The following CRISP3 variants were observed in gnomAD, a reference collection of about 807,000 sequenced individuals.
The protein encoded by CRISP3 is cysteine-rich secretory protein 3.
CRISP3 carries 33 observed loss-of-function variants against 36.1 expected under a neutral mutation model. The ratio of observed to expected loss-of-function variants is 0.91; its 90% CI spans 0.69 to 1.22. The LOEUF is 1.22. Among genes scored for constraint, CRISP3 ranks in the 50% most tolerant of loss-of-function variants. CRISP3 has a pLI of 0.00. For missense variants in CRISP3, 330 were observed against 301.2 expected (o/e 1.10, Z -0.71); for synonymous variants, 117 against 104.6 (o/e 1.12, Z -0.72).
At chr6:49,734,440 A>G (rs1315867778) in intron 4 of CRISP3, among the ~76,000 whole-genome samples, 3 of 152,124 alleles carry the variant, frequency 2.0e-5, no homozygotes, top group Non-Finnish European at 4.4e-5. Context: ...CACAGGCCAC[A>G]CTCTGGTCAA....
chr6:49,731,920 C>T (rs1010390627), intron 6 of CRISP3, among the ~76,000 whole-genome samples: 13 of 152,244 alleles, frequency 8.5e-5, no homozygotes, highest in African/African-American at 3.1e-4. Flanking sequence ...TTAATTAATA[C>T]TAATCTCCTC....
intron 1 of CRISP3, among the ~76,000 whole-genome samples, chr6:49,740,624 T>A (rs1263923942): frequency 7.9e-6 from 1 of 126,568 alleles, no homozygotes; most frequent in Non-Finnish European, 1.7e-5. Flanking sequence ...TTGTGTATAG[T>A]GAATGTGAAG....
intron 6 of CRISP3, among the ~76,000 whole-genome samples, chr6:49,732,843 C>T (rs1768947563): frequency 6.6e-6 from 1 of 152,152 alleles, no homozygotes; most frequent in Non-Finnish European, 1.5e-5. Flanking sequence ...GACTAATTAT[C>T]AAGCTTCCAG....
intron 1 of CRISP3, among the ~76,000 whole-genome samples, chr6:49,743,881 A>G (rs958931921): frequency 5.9e-5 from 9 of 151,990 alleles, no homozygotes; most frequent in African/African-American, 2.2e-4. Context: ...GATCAGTGCT[A>G]TAATTTTGTT....
chr6:49,742,631 CAAAAAAA>C (rs33995764), intron 1 of CRISP3, among the ~76,000 whole-genome samples: 2 of 71,242 alleles, frequency 2.8e-5, no homozygotes, highest in African/African-American at 5.3e-5. Flanking sequence ...GACTCCATCT[CAAAAAAA>C]AAAAAAAAAA....
intron 1 of CRISP3, among the ~76,000 whole-genome samples, chr6:49,742,984 T>C (rs573146773): frequency 6.6e-6 from 1 of 152,348 alleles, no homozygotes; most frequent in East Asian, 1.9e-4. Flanking sequence ...AAGTATTTGA[T>C]GCAATATTTT....
rs1391189861 is a variant in CRISP3, at chr6:49,736,519, T to C, written c.112-12A>G. On this transcript the variant is annotated splice_polypyrimidine_tract_variant and intron_variant, in intron 2 of 7. Transcript: ENST00000263045. ...GTAAAAGCGGGATCCTAAGGGAAAATAAAATTACAATTATCTTTTAACATT... is the reference window on the plus strand; with the variant it reads ...GTAAAAGCGGGATCCTAAGGGAAAACAAAATTACAATTATCTTTTAACATT... The C allele has an allele frequency of 3.3e-5, 51 of 1,541,722 alleles. No homozygotes were observed. Among genetic ancestry groups the C allele is most frequent in the Non-Finnish European group, 4.4e-5 (49 of 1,114,598 alleles).
At chr6:49,741,505 G>A (rs1769200525) in intron 1 of CRISP3, among the ~76,000 whole-genome samples, 3 of 149,274 alleles carry the variant, frequency 2.0e-5, no homozygotes, top group Admixed American at 1.3e-4. Context: ...AGGACTGCAA[G>A]AATAATTCAA....
chr6:49,741,275 G>T (rs972723432), intron 1 of CRISP3, among the ~76,000 whole-genome samples: 2 of 151,912 alleles, frequency 1.3e-5, no homozygotes, highest in African/African-American at 4.8e-5. Context: ...AGTGTTGTAT[G>T]GTTCAAATTA....
In CRISP3 at chr6:49,728,506, A is replaced by C. The variant is rs1471116043; in HGVS notation, c.*224T>G. On this transcript the variant is annotated 3_prime_UTR_variant, in exon 8 of 8. Transcript: ENST00000263045. Reference sequence around the variant, plus strand: ...TTAAATCACAAAGTTTATATATAAAAATCCAAAGTTGTTGTTATAGATTTT... The same window carrying C: ...TTAAATCACAAAGTTTATATATAAACATCCAAAGTTGTTGTTATAGATTTT... 6.0e-6 allele frequency: 2 copies of C among 331,130 alleles called. No individual in the cohort carries two copies. Among genetic ancestry groups the C allele is most frequent in the Non-Finnish European group, 1.1e-5 (2 of 187,022 alleles). 20.5% of individuals were successfully genotyped at this position (331,130 alleles called of 1,614,324 possible).
intron 6 of CRISP3, among the ~76,000 whole-genome samples, chr6:49,732,408 C>A (rs185106397): frequency 7.9e-5 from 12 of 152,218 alleles, no homozygotes; most frequent in Admixed American, 7.2e-4. Flanking sequence ...AAAACCCCTC[C>A]CACTAGTGGT....
At chr6:49,737,205 A>G in intron 2 of CRISP3, 120 bp downstream of exon 2, 1 of 720,374 alleles carries the variant, frequency 1.4e-6, no homozygotes, top group Non-Finnish European at 2.4e-6. Context: ...TGAGCTACTA[A>G]TGAGTACTTT....
rs1432384993 is a variant in CRISP3, at chr6:49,735,550, T to G, written c.270A>C (p.Ala90=). 1 of 1,612,836 alleles carries G rather than the reference T, an allele frequency of 6.2e-7. No homozygotes were observed. Among genetic ancestry groups the G allele is most frequent in the South Asian group, 1.1e-5 (1 of 90,972 alleles). ...KEAAANAQKW[A]NQCNYRHSNP... ...TACTGTGTCTGTAATTGCACTGGTTTGCCCACTTTTGGGCATTTGCTGCAG... is the reference window on the plus strand; with the variant it reads ...TACTGTGTCTGTAATTGCACTGGTTGGCCCACTTTTGGGCATTTGCTGCAG... Residue 90 remains alanine (A), a synonymous_variant, in exon 4 of 8, where the codon GCA becomes GCC. Transcript: ENST00000263045.
intron 1 of CRISP3, among the ~76,000 whole-genome samples, chr6:49,743,058 G>C (rs1321229171): frequency 3.9e-5 from 6 of 152,136 alleles, no homozygotes; most frequent in Non-Finnish European, 7.4e-5. Context: ...TTATGTATCT[G>C]TGATACAGAA....
chr6:49,740,411 G>A (rs1462591497), intron 1 of CRISP3, among the ~76,000 whole-genome samples: 1 of 152,124 alleles, frequency 6.6e-6, no homozygotes, highest in East Asian at 1.9e-4. Context: ...TTTTATTTCA[G>A]GCACAATATC....
At chr6:49,734,157 C>A (rs372852400) in intron 4 of CRISP3, among the ~76,000 whole-genome samples, 8 of 152,144 alleles carry the variant, frequency 5.3e-5, no homozygotes, top group African/African-American at 1.9e-4. Context: ...ACATTGAATT[C>A]TTCACATGTG....
rs773970452 is a variant in CRISP3 at position 49,735,637 on chromosome 6, T to G, written c.229-46A>C. The G allele has an allele frequency of 4.2e-6, 6 of 1,420,086 alleles. No homozygotes were observed. In the African/African-American group the frequency reaches 7.1e-5, roughly 17 times the overall value. The allele number at this position is 1,420,086 out of a possible 1,614,324, so 88.0% of individuals were successfully genotyped here. A position where few individuals can be genotyped will look rare whatever the true frequency, so the allele number is the denominator to read the frequency against. ...AGATATCCACTTAATGTCTCAAACC[T>G]CAAAGGAGCATAAGCTTTATAATCA... On this transcript the variant is annotated intron_variant, in intron 3 of 7. Coordinates refer to ENST00000263045, the MANE Select transcript of CRISP3 (RefSeq NM_006061.4).
In CRISP3 at chr6:49,733,440, A is replaced by C; in HGVS notation, c.463-148T>G. ...ATGGCTATATTTAGTTAAATTATTG[A>C]ATCAAACTAAAACACTTTAAAATAT... On this transcript the variant is annotated intron_variant, in intron 5 of 7. Transcript: ENST00000263045. The C allele has an allele frequency of 4.7e-6, 3 of 642,662 alleles. No individual in the cohort carries two copies. The East Asian group carries it at 8.4e-5, about 18-fold the overall frequency. The allele number at this position is 642,662 out of a possible 1,614,324, so 39.8% of individuals were successfully genotyped here.
intron 6 of CRISP3, among the ~76,000 whole-genome samples, chr6:49,731,839 G>C (rs949188599): frequency 6.6e-6 from 1 of 151,990 alleles, no homozygotes; most frequent in African/African-American, 2.4e-5. Context: ...GAAAGGTTTG[G>C]GAATGTCTAC....
Sources: gnomAD v4.1 joint callset for allele counts (sites outside exome capture counted in the v4.1 genomes callset) on GRCh38, gnomAD v4.1.1 for gene constraint, MANE v1.5 for transcripts, NCBI Gene and HGNC (gene_info 2026-07-23, HGNC 2026-07-21) for gene names.